The following ZNF749 variants were observed in gnomAD, a reference collection of about 807,000 sequenced individuals.
ZNF749 encodes zinc finger protein 749.
Under a neutral mutation model 7.3 loss-of-function variants are expected in ZNF749, and 8 were observed. That is an observed-to-expected ratio of 1.10 (90% CI 0.64 to 1.98). The LOEUF (loss-of-function observed/expected upper bound fraction) is 1.98, where lower values mean the gene tolerates loss of function less well. Ranked by LOEUF, ZNF749 falls within the 30% of genes most tolerant of loss-of-function variation. The pLI is 0.00. For missense variants in ZNF749, 898 were observed against 932.4 expected (o/e 0.96, Z 0.48); for synonymous variants, 310 against 322.4 (o/e 0.96, Z 0.41).
At chr19:57,432,347 AG>A (rs1373923341), upstream of ZNF749, among the ~76,000 whole-genome samples, 1 of 150,836 alleles carries the variant, frequency 6.6e-6, no homozygotes, top group East Asian at 2.0e-4. Flanking sequence ...CGTCTGAGGC[AG>A]GCAGATCACC....
At chr19:57,432,469 G>A (rs2088903587), upstream of ZNF749, among the ~76,000 whole-genome samples, 1 of 150,118 alleles carries the variant, frequency 6.7e-6, no homozygotes, top group Admixed American at 6.7e-5. Context: ...GGCTGAGGCA[G>A]GAGAATTGCT....
intron 1 of ZNF749, among the ~76,000 whole-genome samples, chr19:57,437,541 T>G (rs1057123511): frequency 6.6e-6 from 1 of 151,016 alleles, no homozygotes; most frequent in African/African-American, 2.5e-5. Context: ...CTGGCCAACA[T>G]GGTGAAACTC....
At position 57,444,089 on chromosome 19, in the gene ZNF749, T is replaced by C; in HGVS notation, c.941T>C (p.Val314Ala). ...GKAFLTQAHL[V>A]GHQKTHTGEQ... ...GCCTTTCTTACACAGGCTCATCTGG[T>C]TGGTCACCAGAAAACCCATACTGGA... The change falls in exon 3 of 3, where the codon GTT becomes GCT. Residue 314 changes from valine (V) to alanine (A), a missense_variant. Val to Ala is a moderately conservative substitution (Grantham distance 64, BLOSUM62 0). Transcript: ENST00000334181. The C allele has an allele frequency of 6.2e-7, 1 of 1,613,968 alleles. No homozygotes were observed. Among genetic ancestry groups the C allele is most frequent in the South Asian group, 1.1e-5 (1 of 91,082 alleles).
intron 1 of ZNF749, among the ~76,000 whole-genome samples, chr19:57,437,723 CAAAAAA>C (rs35006340): frequency 3.6e-5 from 2 of 55,998 alleles, no homozygotes; most frequent in Non-Finnish European, 3.7e-5. Context: ...GACACTGTCT[CAAAAAA>C]AAAAAAAAAA....
chr19:57,435,465 G>C lies in ZNF749; in HGVS notation c.-114G>C. ...AGAAGCGGTGTTCCTTCTACACAGA[G>C]GCTAGAGTGCGGATCGGCTGAGTCG... is the stretch of plus-strand genomic sequence containing the variant. On this transcript the variant is annotated 5_prime_UTR_variant, in exon 1 of 3. Transcript: ENST00000334181. 1.1e-5 allele frequency: 16 copies of C among 1,467,692 alleles called. No individual in the cohort carries two copies. The highest frequency in any genetic ancestry group is 1.5e-5 in the Non-Finnish European group (16 of 1,079,396). 90.9% of individuals were successfully genotyped at this position (1,467,692 alleles called of 1,614,324 possible).
Position 57,444,618 on chromosome 19 carries a change from G to C in ZNF749, c.1470G>C (p.Lys490Asn). ...CTTATACATGCAGTGAATGTGGGAA[G>C]GCCTTCCTTACACAGGCTCATCTGG... Reference protein sequence around the residue: ...PRPYTCSECGKAFLTQAHLVG... With the variant: ...PRPYTCSECGNAFLTQAHLVG... The change falls in exon 3 of 3, where the codon AAG becomes AAC. Residue 490 changes from lysine to asparagine, a missense_variant. Transcript: ENST00000334181. 1 of 1,611,924 alleles carries C rather than the reference G, an allele frequency of 6.2e-7. No individual in the cohort carries two copies. The highest frequency in any genetic ancestry group is 8.5e-7 in the Non-Finnish European group (1 of 1,179,514).
Position 57,439,841 on chromosome 19 carries a change from A to T in ZNF749, c.16-2044A>T, listed in dbSNP as rs1047032964. Among the ~76,000 whole-genome samples the T allele has an allele frequency of 1.3e-5, 2 of 152,236 alleles. No individual in the cohort carries two copies. Among genetic ancestry groups the T allele is most frequent in the Admixed American group, 6.5e-5 (1 of 15,288 alleles). ...GTGGAGGTGCCAGGCTGGCAGTTGT[A>T]CACACAGGAATGGAGTTCATTGGAG... On this transcript the variant is annotated intron_variant, in intron 1 of 2. Transcript: ENST00000334181. The surrounding 1 kb of genome is among the most constrained non-coding windows in gnomAD (Gnocchi z 4.3).
At position 57,445,547 on chromosome 19, in the gene ZNF749, C is replaced by T. The variant is rs925895024; in HGVS notation, c.*62C>T. 1.6e-5 allele frequency: 24 copies of T among 1,535,254 alleles called. No individual in the cohort carries two copies. The highest frequency in any genetic ancestry group is 1.8e-4 in the Middle Eastern group (1 of 5,652). On this transcript the variant is annotated 3_prime_UTR_variant, in exon 3 of 3. Transcript: ENST00000334181. ...TCATTCAGCACCAAAAGGTTCACAT[C>T]GGACCAAGAACCTATTAATATATGT...
rs929157747 is a variant in ZNF749 at position 57,442,942 on chromosome 19, A to G, written c.143-349A>G. ...TTTAGGTGTTATGAGGTCTGCGTGT[A>G]TCCTTCAGTAGTCCATGAATACTCG... On this transcript the variant is annotated intron_variant, in intron 2 of 2. Coordinates refer to ENST00000334181, the MANE Select transcript of ZNF749 (RefSeq NM_001023561.4). This position sits in a 1 kb window ranked among gnomAD's most constrained non-coding sequence, Gnocchi z 6.6. 6.6e-6 allele frequency among the ~76,000 whole-genome samples: 1 copy of G among 152,092 alleles called. No individual in the cohort carries two copies. Among genetic ancestry groups the G allele is most frequent in the Non-Finnish European group, 1.5e-5 (1 of 68,018 alleles).
Position 57,446,372 on chromosome 19 carries a change from C to G in ZNF749, c.*887C>G, listed in dbSNP as rs1366678137. Among the ~76,000 whole-genome samples the G allele has an allele frequency of 6.6e-6, 1 of 152,182 alleles. No individual in the cohort carries two copies. Among genetic ancestry groups the G allele is most frequent in the East Asian group, 1.9e-4 (1 of 5,200 alleles). The stretch of plus-strand genomic sequence containing the variant: ...CCCTGATGCGTGGAAAAATTGGCTT[C>G]CATGAAACCAGTCCCTGGTGCCAAA... On this transcript the variant is annotated 3_prime_UTR_variant, in exon 3 of 3. Coordinates refer to ENST00000334181, the MANE Select transcript of ZNF749 (RefSeq NM_001023561.4).
In ZNF749 at chr19:57,444,156, G is replaced by A. The variant is rs1367912085; in HGVS notation, c.1008G>A (p.Met336Ile). The A allele has an allele frequency of 1.2e-6, 2 of 1,613,780 alleles. No individual in the cohort carries two copies. The highest frequency in any genetic ancestry group is 1.7e-5 in the Admixed American group (1 of 59,984). Residue 336 changes from methionine (M) to isoleucine (I), a missense_variant, in exon 3 of 3, where the codon ATG becomes ATA. By Grantham distance (10) the Met-to-Ile change is conservative. Coordinates refer to ENST00000334181, the MANE Select transcript of ZNF749 (RefSeq NM_001023561.4). Reference protein sequence around the residue: ...YECNKCGKFFMYNSKLIRHQK... With the variant: ...YECNKCGKFFIYNSKLIRHQK... Reference sequence around the variant, plus strand: ...GCAACAAGTGTGGGAAGTTTTTTATGTATAACTCCAAACTCATCAGACATC... The same window carrying A: ...GCAACAAGTGTGGGAAGTTTTTTATATATAACTCCAAACTCATCAGACATC...
chr19:57,428,876 G>A, the ZNF749 span, among the ~76,000 whole-genome samples: 1 of 152,122 alleles, frequency 6.6e-6, no homozygotes, highest in Admixed American at 6.6e-5. Flanking sequence ...TCATACAAAT[G>A]TATTGTTTTG....
upstream of ZNF749, among the ~76,000 whole-genome samples, chr19:57,431,575 C>G (rs1320471319): frequency 2.0e-5 from 3 of 151,808 alleles, no homozygotes; most frequent in Non-Finnish European, 4.4e-5. Flanking sequence ...GCTACTTCCC[C>G]ACAAGAACAC....
intron 1 of ZNF749, 113 bp from the exon 2 acceptor site, chr19:57,441,771 AC>A: frequency 7.9e-7 from 1 of 1,272,168 alleles, no homozygotes; most frequent in Non-Finnish European, 1.1e-6. Flanking sequence ...AAATGTAAAA[AC>A]ATTGGCTGTT....
In ZNF749 at chr19:57,441,377, C is replaced by T. The variant is rs999762382; in HGVS notation, c.16-508C>T. On this transcript the variant is annotated intron_variant, in intron 1 of 2. Coordinates refer to ENST00000334181, the MANE Select transcript of ZNF749 (RefSeq NM_001023561.4). ...GAGGGAAGTGTATCAGTGATTGACC[C>T]GCTGGATTTTCATTTTTGGAAAAGA... is the stretch of plus-strand genomic sequence containing the variant. Among the ~76,000 whole-genome samples, 11 of 152,074 alleles carry T rather than the reference C, an allele frequency of 7.2e-5. No homozygotes were observed. In the South Asian group the frequency reaches 1.7e-3, roughly 23 times the overall value.
Position 57,444,126 on chromosome 19 carries a change from T to C in ZNF749, c.978T>C (p.Tyr326=), listed in dbSNP as rs996500681. ...AAACCCATACTGGAGAACAGCCCTA[T>C]GAATGCAACAAGTGTGGGAAGTTTT... ...HQKTHTGEQP[Y]ECNKCGKFFM... is the part of the protein sequence containing the mutation. The change falls in exon 3 of 3, where the codon TAT becomes TAC. Residue 326 remains tyrosine, a synonymous_variant. Transcript: ENST00000334181. The C allele has an allele frequency of 1.9e-6, 3 of 1,613,914 alleles. No individual in the cohort carries two copies. Among genetic ancestry groups the C allele is most frequent in the Admixed American group, 1.7e-5 (1 of 60,002 alleles).
chr19:57,445,318 T>C lies in ZNF749; in HGVS notation c.2170T>C (p.Phe724Leu). The C allele has an allele frequency of 6.2e-7, 1 of 1,613,838 alleles. No homozygotes were observed. Among genetic ancestry groups the C allele is most frequent in the Non-Finnish European group, 8.5e-7 (1 of 1,179,816 alleles). ...GCAGTCTCACACTGGAGAAAGTCCT[T>C]TTAAGTTAAGGGAATGTGGGAAAGA... ...HQQSHTGESP[F>L]KLRECGKDFN... Residue 724 changes from phenylalanine (F) to leucine (L), a missense_variant, in exon 3 of 3, where the codon TTT becomes CTT. Phe to Leu is a conservative substitution (Grantham distance 22). Transcript: ENST00000334181.
At position 57,439,253 on chromosome 19, in the gene ZNF749, A is replaced by T. The variant is rs1308925612; in HGVS notation, c.16-2632A>T. 2.6e-5 allele frequency among the ~76,000 whole-genome samples: 4 copies of T among 151,306 alleles called. No individual in the cohort carries two copies. The highest frequency in any genetic ancestry group is 5.9e-5 in the Non-Finnish European group (4 of 67,878). ...GAGTGGCGGTGGTGGAAGTGGGAGG[A>T]GTGGGGGGCTTCTGTATGTGTTTGA... On this transcript the variant is annotated intron_variant, in intron 1 of 2. Coordinates refer to ENST00000334181, the MANE Select transcript of ZNF749 (RefSeq NM_001023561.4). This position sits in a 1 kb window ranked among gnomAD's most constrained non-coding sequence, Gnocchi z 4.3.
chr19:57,433,403 T>C (rs1420473791), upstream of ZNF749, among the ~76,000 whole-genome samples: 6 of 152,196 alleles, frequency 3.9e-5, no homozygotes, highest in Admixed American at 3.9e-4. Flanking sequence ...TGGGTTGGTG[T>C]AGATTATGGG....
Sources: allele counts gnomAD v4.1 joint callset (sites outside exome capture counted in the v4.1 genomes callset), GRCh38; gene constraint gnomAD v4.1.1; non-coding constraint Gnocchi (gnomAD v3.1); transcripts MANE v1.5; gene names NCBI Gene and HGNC (gene_info 2026-07-23, HGNC 2026-07-21).